The following RNGTT variants were observed in gnomAD, a reference collection of about 807,000 sequenced individuals.
RNGTT encodes mRNA-capping enzyme.
A neutral mutation model predicts 79.3 loss-of-function variants in RNGTT; 33 were observed. That is an observed-to-expected ratio of 0.42 (90% CI 0.32 to 0.56). The LOEUF is 0.56. Ranked by LOEUF, RNGTT falls within the 20% of genes least tolerant of loss-of-function variation. The pLI is 0.17. For missense variants in RNGTT, 497 were observed against 739.1 expected, an observed-to-expected ratio of 0.67 and a Z score of 3.80; for synonymous variants, 222 against 235.9, an observed-to-expected ratio of 0.94 and a Z score of 0.54.
chr6:88,800,032 C>T (rs1779732767), intron 12 of RNGTT, among the ~76,000 whole-genome samples: 1 of 152,192 alleles, frequency 6.6e-6, no homozygotes, highest in African/African-American at 2.4e-5. Context: ...CTCTCCTCCT[C>T]CCTTAACCAC....
At chr6:88,681,857 T>C (rs1310366615) in intron 13 of RNGTT, among the ~76,000 whole-genome samples, 2 of 152,182 alleles carry the variant, frequency 1.3e-5, no homozygotes, top group Non-Finnish European at 2.9e-5. Context: ...TAAATACTTC[T>C]ATACTGTGGC....
chr6:88,928,581 G>C (rs947808790), intron 4 of RNGTT, among the ~76,000 whole-genome samples: 1 of 152,052 alleles, frequency 6.6e-6, no homozygotes, highest in African/African-American at 2.4e-5. Context: ...TGGTGTATTT[G>C]TATAATGGAA....
chr6:88,670,934 T>C (rs1310136677), intron 14 of RNGTT, among the ~76,000 whole-genome samples: 1 of 152,164 alleles, frequency 6.6e-6, no homozygotes, highest in African/African-American at 2.4e-5. Context: ...GTTTTGTCTG[T>C]GACTGTTCCT....
intron 13 of RNGTT, among the ~76,000 whole-genome samples, chr6:88,701,993 T>A (rs1275064318): frequency 1.3e-5 from 2 of 151,988 alleles, no homozygotes; most frequent in African/African-American, 4.8e-5. Context: ...AAAAAACCTA[T>A]GAATACATCT....
chr6:88,817,489 G>GTA (rs1780350235), intron 11 of RNGTT, among the ~76,000 whole-genome samples: 1 of 10,894 alleles, frequency 9.2e-5, no homozygotes, highest in Admixed American at 9.5e-4. Context: ...AAAAAAATAA[G>GTA]TAAAAAAAAA....
At chr6:88,755,282 A>C (rs1006373817) in intron 13 of RNGTT, among the ~76,000 whole-genome samples, 6 of 152,180 alleles carry the variant, frequency 3.9e-5, no homozygotes, top group Non-Finnish European at 8.8e-5. Context: ...AAAATGAAGA[A>C]AAGGAAAAAG....
In RNGTT at chr6:88,790,932, T is replaced by C. The variant is rs556558383; in HGVS notation, c.1338+10632A>G. On this transcript the variant is annotated intron_variant, in intron 12 of 15. Coordinates refer to ENST00000369485, the MANE Select transcript of RNGTT (RefSeq NM_003800.5). ...ACAAAGACAGAATCAGAAATTACAC[T>C]GGGTATTAAGGTCTACAGCTATCCA... Among the ~76,000 whole-genome samples, 6 of 152,266 alleles carry C rather than the reference T, an allele frequency of 3.9e-5. No individual in the cohort carries two copies. The South Asian group carries it at 1.2e-3, about 32-fold the overall frequency.
At chr6:88,906,721 A>C (rs963123997) in intron 4 of RNGTT, among the ~76,000 whole-genome samples, 10 of 152,294 alleles carry the variant, frequency 6.6e-5, no homozygotes, top group Middle Eastern at 3.4e-3. Flanking sequence ...AGAAGATTCC[A>C]AGCATTTTAA....
At position 88,807,990 on chromosome 6, in the gene RNGTT, T is replaced by A. The variant is rs139210532; in HGVS notation, c.1270-6358A>T. On this transcript the variant is annotated intron_variant, in intron 11 of 15. Coordinates refer to ENST00000369485, the MANE Select transcript of RNGTT (RefSeq NM_003800.5). ...TTCAATAATAAAGGCACAGTAGAGT[T>A]CTTTTTCAGACAGACAATAGCTGAT... 7.7e-3 allele frequency among the ~76,000 whole-genome samples: 1,178 copies of A among 152,252 alleles called. 49 individuals carry two copies. Among genetic ancestry groups the A allele is most frequent in the Admixed American group, 0.066 (1,006 of 15,286 alleles).
At chr6:88,895,247 GT>G (rs1783197520) in intron 6 of RNGTT, among the ~76,000 whole-genome samples, 1 of 151,522 alleles carries the variant, frequency 6.6e-6, no homozygotes, top group African/African-American at 2.4e-5. Context: ...GTGTGTGTGT[GT>G]GTGTGTGTGT....
intron 1 of RNGTT, among the ~76,000 whole-genome samples, chr6:88,944,414 G>T (rs894396241): frequency 1.3e-5 from 2 of 152,130 alleles, no homozygotes; most frequent in African/African-American, 4.8e-5. Context: ...AACTTGCCTT[G>T]CCTTTGCAGT....
At chr6:88,643,518 T>C (rs185264709) in intron 14 of RNGTT, among the ~76,000 whole-genome samples, 1 of 152,086 alleles carries the variant, frequency 6.6e-6, no homozygotes, top group African/African-American at 2.4e-5. Flanking sequence ...GACATCTACA[T>C]AACTCTCCAC....
intron 11 of RNGTT, among the ~76,000 whole-genome samples, chr6:88,840,965 G>C (rs1781266969): frequency 6.6e-6 from 1 of 152,140 alleles, no homozygotes; most frequent in African/African-American, 2.4e-5. Flanking sequence ...CACAACCTGT[G>C]AAATTCATTT....
intron 14 of RNGTT, among the ~76,000 whole-genome samples, chr6:88,653,891 T>C (rs1773884095): frequency 6.6e-6 from 1 of 152,206 alleles, no homozygotes; most frequent in Non-Finnish European, 1.5e-5. Context: ...TTTGATAAGT[T>C]GTCTAAGGAC....
chr6:88,728,749 C>T (rs1332164199), intron 13 of RNGTT, among the ~76,000 whole-genome samples: 1 of 152,176 alleles, frequency 6.6e-6, no homozygotes, highest in African/African-American at 2.4e-5. Flanking sequence ...TTCCTCTAAG[C>T]CTTCTTCCAA....
chr6:88,835,999 C>CACACACACAA, intron 11 of RNGTT, among the ~76,000 whole-genome samples: 1 of 120,310 alleles, frequency 8.3e-6, no homozygotes, highest in Non-Finnish European at 1.8e-5. Flanking sequence ...CACACACACA[C>CACACACACAA]ACACACACAC....
intron 11 of RNGTT, among the ~76,000 whole-genome samples, chr6:88,804,338 T>C (rs9351187): frequency 0.13 from 19,310 of 152,220 alleles, 1,404 homozygotes; most frequent in Middle Eastern, 0.23. Context: ...GGTCCTCCAA[T>C]AGCCACTTAA....
intron 14 of RNGTT, among the ~76,000 whole-genome samples, chr6:88,646,459 A>G (rs968003439): frequency 6.6e-6 from 1 of 152,162 alleles, no homozygotes; most frequent in Non-Finnish European, 1.5e-5. Context: ...TCTAGAACTA[A>G]AAATACCATT....
At chr6:88,820,998 G>A (rs1780480921) in intron 11 of RNGTT, among the ~76,000 whole-genome samples, 1 of 152,048 alleles carries the variant, frequency 6.6e-6, no homozygotes, top group Non-Finnish European at 1.5e-5. Flanking sequence ...AAAATAGCCA[G>A]CACAATATTG....
Sources: allele counts gnomAD v4.1 joint callset (sites outside exome capture counted in the v4.1 genomes callset), GRCh38; gene constraint gnomAD v4.1.1; transcripts MANE v1.5; gene names NCBI Gene and HGNC (gene_info 2026-07-23, HGNC 2026-07-21).